DGKB: variants seen among roughly 807,000 people sequenced by gnomAD.
DGKB encodes diacylglycerol kinase beta.
In DGKB, 67 loss-of-function variants were observed where a neutral mutation model predicts 114.3. That is an observed-to-expected ratio of 0.59 (90% CI 0.48 to 0.72). The LOEUF (loss-of-function observed/expected upper bound fraction) is 0.72, where lower values mean the gene tolerates loss of function less well. DGKB is among the 30% of genes least tolerant of loss of function. The pLI is 0.00. For synonymous variants in DGKB, 398 were observed against 323.1 expected, an observed-to-expected ratio of 1.23 and a Z score of -2.49; for missense variants, 907 against 975.2, an observed-to-expected ratio of 0.93 and a Z score of 0.93.
chr7:14,444,639 A>G, intron 21 of DGKB, among the ~76,000 whole-genome samples: 1 of 152,038 alleles, frequency 6.6e-6, no homozygotes, highest in African/African-American at 2.4e-5. Context: ...ATTGAAAATT[A>G]CACTAAGCCT....
chr7:14,437,627 G>A lies in DGKB; in HGVS notation c.1835+40534C>T, dbSNP rs373690527. Reference sequence around the variant, plus strand: ...AAATATGTTTTCAACTAAGATAATTGTGTTAATTTGCATCTTGAAAGGGAA... The same window carrying A: ...AAATATGTTTTCAACTAAGATAATTATGTTAATTTGCATCTTGAAAGGGAA... On this transcript the variant is annotated intron_variant, in intron 21 of 25. Transcript: ENST00000402815. 4.5e-4 allele frequency among the ~76,000 whole-genome samples: 69 copies of A among 151,892 alleles called. 1 individual carries two copies. The East Asian group carries it at 4.8e-3, about 11-fold the overall frequency.
chr7:14,899,987 T>A (rs893320601), intron 1 of DGKB, among the ~76,000 whole-genome samples: 1 of 152,148 alleles, frequency 6.6e-6, no homozygotes, highest in Non-Finnish European at 1.5e-5. Flanking sequence ...TTTGAGTTTT[T>A]TCTAAAGGGG....
chr7:14,729,157 C>G (rs1178803194), intron 5 of DGKB, among the ~76,000 whole-genome samples: 3 of 123,798 alleles, frequency 2.4e-5, no homozygotes, highest in African/African-American at 3.3e-5. Flanking sequence ...GAGTCTCACT[C>G]TGTTGCCCAG....
chr7:14,531,890 T>C (rs1166655711), intron 20 of DGKB, among the ~76,000 whole-genome samples: 2 of 151,264 alleles, frequency 1.3e-5, no homozygotes, highest in Non-Finnish European at 3.0e-5. Context: ...TCAATAGATT[T>C]TTGAGAAGGG....
intron 4 of DGKB, among the ~76,000 whole-genome samples, chr7:14,745,159 C>T (rs1270219771): frequency 6.6e-6 from 1 of 152,148 alleles, no homozygotes; most frequent in African/African-American, 2.4e-5. Context: ...TGCCCTTACC[C>T]ATCCCTCTTT....
chr7:14,913,876 C>T (rs1035703597), intron 1 of DGKB, among the ~76,000 whole-genome samples: 4 of 152,040 alleles, frequency 2.6e-5, no homozygotes, highest in African/African-American at 9.7e-5. Flanking sequence ...ATGGAGTTCA[C>T]AGAGTAAACT....
In DGKB at chr7:14,148,137, G is replaced by A. The variant is rs570057936; in HGVS notation, c.*994C>T. The A allele has an allele frequency of 6.6e-6, 1 of 152,570 alleles. No homozygotes were observed. The highest frequency in any genetic ancestry group is 2.4e-5 in the African/African-American group (1 of 41,568). The allele number at this position is 152,570 out of a possible 1,614,324, so 9.5% of individuals were successfully genotyped here. A position where few individuals can be genotyped will look rare whatever the true frequency, so the allele number is the denominator to read the frequency against. On this transcript the variant is annotated 3_prime_UTR_variant, in exon 26 of 26. Transcript: ENST00000402815. ...AGAAATCATCTATTGAGCTTTGATT[G>A]TGTTGTCTGGCTTATTGTCTGTCTG...
At chr7:14,970,480 T>C (rs1047441214) in intron 1 of DGKB, among the ~76,000 whole-genome samples, 1 of 151,726 alleles carries the variant, frequency 6.6e-6, no homozygotes, top group African/African-American at 2.4e-5. Flanking sequence ...AAAAGATTTA[T>C]AAAGCTATAA....
intron 25 of DGKB, among the ~76,000 whole-genome samples, chr7:14,159,762 T>C (rs1384305577): frequency 1.3e-5 from 2 of 152,176 alleles, no homozygotes; most frequent in Non-Finnish European, 2.9e-5. Flanking sequence ...CACCCCCGTC[T>C]CCTGGGTTCA....
intron 23 of DGKB, 73 bp downstream of exon 23, chr7:14,338,442 A>C (rs1477635930): frequency 3.4e-6 from 3 of 871,662 alleles, no homozygotes; most frequent in East Asian, 5.3e-5. Context: ...GCAACGGAAG[A>C]CTCTTTACTT....
intron 21 of DGKB, among the ~76,000 whole-genome samples, chr7:14,375,516 A>T (rs1282520884): frequency 1.3e-5 from 2 of 152,216 alleles, no homozygotes; most frequent in Non-Finnish European, 2.9e-5. Flanking sequence ...CAGATCAGGT[A>T]TTGGCTTCAT....
At chr7:14,653,338 A>T (rs1345114425) in intron 13 of DGKB, among the ~76,000 whole-genome samples, 1 of 152,112 alleles carries the variant, frequency 6.6e-6, no homozygotes, top group Non-Finnish European at 1.5e-5. Context: ...AAAAATGATG[A>T]GTTCACGTCC....
intron 12 of DGKB, among the ~76,000 whole-genome samples, chr7:14,681,751 A>T (rs1441935826): frequency 6.6e-6 from 1 of 152,146 alleles, no homozygotes; most frequent in Non-Finnish European, 1.5e-5. Context: ...TAGAAGTACC[A>T]TCTAACAACT....
chr7:14,744,366 C>A lies in DGKB; in HGVS notation c.169-8172G>T, dbSNP rs114133537. Among the ~76,000 whole-genome samples, 1,238 of 152,294 alleles carry A rather than the reference C, an allele frequency of 8.1e-3. 12 individuals are homozygous for A. Among genetic ancestry groups the A allele is most frequent in the African/African-American group, 0.028 (1,145 of 41,562 alleles). ...AGAGGTGTACTTCCTTTTAAGGAAT[C>A]AAGCTTGAGTTGCAGAGTCAATAAA... On this transcript the variant is annotated intron_variant, in intron 4 of 25. Transcript: ENST00000402815.
At chr7:14,880,269 A>G (rs1235999175) in intron 1 of DGKB, among the ~76,000 whole-genome samples, 1 of 152,056 alleles carries the variant, frequency 6.6e-6, no homozygotes, top group African/African-American at 2.4e-5. Context: ...ACCAGCCTGG[A>G]CAACATGGTG....
At chr7:14,367,598 A>C (rs1358163596) in intron 21 of DGKB, among the ~76,000 whole-genome samples, 1 of 152,094 alleles carries the variant, frequency 6.6e-6, no homozygotes, top group South Asian at 2.1e-4. Context: ...GGACTAATAC[A>C]CTAGGCTAAG....
At chr7:14,224,772 A>G (rs1216872291) in intron 23 of DGKB, among the ~76,000 whole-genome samples, 1 of 152,016 alleles carries the variant, frequency 6.6e-6, no homozygotes, top group Non-Finnish European at 1.5e-5. Flanking sequence ...AACCTTGGCT[A>G]TATGCCCTGC....
At chr7:14,601,619 A>G (rs1803562899) in intron 17 of DGKB, among the ~76,000 whole-genome samples, 2 of 152,148 alleles carry the variant, frequency 1.3e-5, no homozygotes, top group Non-Finnish European at 2.9e-5. Flanking sequence ...TAAGCAGTCA[A>G]GGGAAGCCAT....
At chr7:14,594,664 A>G (rs2128751014) in intron 17 of DGKB, among the ~76,000 whole-genome samples, 1 of 152,202 alleles carries the variant, frequency 6.6e-6, no homozygotes, top group African/African-American at 2.4e-5. Flanking sequence ...ATTTACTGAA[A>G]TCCATTCTGT....
Sources: allele counts gnomAD v4.1 joint callset (sites outside exome capture counted in the v4.1 genomes callset), GRCh38; gene constraint gnomAD v4.1.1; transcripts MANE v1.5; gene names NCBI Gene and HGNC (gene_info 2026-07-23, HGNC 2026-07-21).